SCNM1: variants seen among roughly 807,000 people sequenced by gnomAD.
SCNM1 encodes the protein sodium channel modifier 1.
Under a neutral mutation model 32.8 loss-of-function variants are expected in SCNM1, and 24 were observed. That is an observed-to-expected ratio of 0.73 (90% CI 0.53 to 1.03). The LOEUF (loss-of-function observed/expected upper bound fraction) is 1.03. Ranked by LOEUF, SCNM1 falls within the 50% of genes least tolerant of loss-of-function variation. The pLI is 0.00. For missense variants in SCNM1, 274 were observed against 282.3 expected (o/e 0.97, Z 0.21); for synonymous variants, 99 against 103.2 (o/e 0.96, Z 0.25).
chr1:151,167,436 G>A (rs1683758964), intron 5 of SCNM1, 22 bp downstream of exon 5: 5 of 1,613,994 alleles, frequency 3.1e-6, no homozygotes, highest in Middle Eastern at 3.3e-4. Context: ...GAAAGCCAGA[G>A]GTAGGAAGGC....
chr1:151,167,061 G>A, intron 3 of SCNM1, 39 bp downstream of exon 3: 1 of 1,614,096 alleles, frequency 6.2e-7, no homozygotes, highest in Non-Finnish European at 8.5e-7. Flanking sequence ...ATAAACCCTC[G>A]AAATCTCTGC....
Position 151,166,418 on chromosome 1 carries a change from C to A in SCNM1, c.52-53C>A. On this transcript the variant is annotated intron_variant, in intron 1 of 6. Transcript: ENST00000368905. Reference sequence around the variant, plus strand: ...TCATTTCTATAATTTCACTTCCACCCCTCTCTCCTATCCCGCTGATCCCGT... The same window carrying A: ...TCATTTCTATAATTTCACTTCCACCACTCTCTCCTATCCCGCTGATCCCGT... The A allele has an allele frequency of 7.4e-6, 12 of 1,610,830 alleles. 1 individual carries two copies. In the South Asian group the frequency reaches 7.7e-5, roughly 10 times the overall value.
chr1:151,166,968 C>T lies in SCNM1; in HGVS notation c.157C>T (p.Leu53=), dbSNP rs1205564375. 1 of 1,614,050 alleles carries T rather than the reference C, an allele frequency of 6.2e-7. No individual in the cohort carries two copies. ...ACAICPHRPV[L]DTLAMLTAHR... The stretch of plus-strand genomic sequence containing the variant: ...TGCCATCTGCCCCCATCGACCGGTA[C>T]TGGACACCCTGGCCATGCTGACTGC... Residue 53 remains leucine, a synonymous_variant, in exon 3 of 7, where the codon CTG becomes TTG. Coordinates refer to ENST00000368905, the MANE Select transcript of SCNM1 (RefSeq NM_024041.4).
In SCNM1 at chr1:151,170,115, C is replaced by A. The variant is rs771308640; in HGVS notation, c.*1030C>A. 1.2e-6 allele frequency: 2 copies of A among 1,614,086 alleles called. No individual in the cohort carries two copies. Among genetic ancestry groups the A allele is most frequent in the Non-Finnish European group, 1.7e-6 (2 of 1,179,976 alleles). On this transcript the variant is annotated 3_prime_UTR_variant, in exon 7 of 7. Transcript: ENST00000368905. ...CTTTTGCTGGCGACCTGTAAAGGAG[C>A]AATATTAAACATAAGTGTTTGTTCC... is the stretch of plus-strand genomic sequence containing the variant.
rs749493628 is a variant in SCNM1 at position 151,167,165 on chromosome 1, AAGC to A, written c.259_261del (p.Gln87del). 1 of 1,614,226 alleles carries A rather than the reference AAGC, an allele frequency of 6.2e-7. No individual in the cohort carries two copies. The highest frequency in any genetic ancestry group is 1.1e-5 in the South Asian group (1 of 91,088). ...CAAGAAGCAGCCGGGAAAGGAAAGA[AAGC>A]AGAATCCAAAACATCAGAATGAATT... On this transcript the variant is annotated inframe_deletion, in exon 4 of 7. Coordinates refer to ENST00000368905, the MANE Select transcript of SCNM1 (RefSeq NM_024041.4).
Position 151,167,189 on chromosome 1 carries a change from G to T in SCNM1, c.280G>T (p.Glu94Ter), listed in dbSNP as rs775812154. The change falls in exon 4 of 7, where the codon GAA (glutamate) becomes TAA (stop). Residue 94 changes from glutamate (E) to a stop codon, truncating the protein, a stop_gained. Transcript: ENST00000368905. LOFTEE classifies it high-confidence loss of function. The part of the protein sequence containing the change: ...ERKQNPKHQN[E>*]LRREETKAEA... ...AAAGCAGAATCCAAAACATCAGAAT[G>T]AATTGAGAAGGGAAGAAACCAAAGC... 5 of 1,614,196 alleles carry T rather than the reference G, an allele frequency of 3.1e-6. No homozygotes were observed. In the South Asian group the frequency reaches 5.5e-5, roughly 18 times the overall value.
intron 5 of SCNM1, 77 bp downstream of exon 5, chr1:151,167,491 T>TC: frequency 1.3e-6 from 2 of 1,563,940 alleles, no homozygotes; most frequent in Non-Finnish European, 1.8e-6. Context: ...CAGTGTGTAT[T>TC]CTGAGGAATA....
chr1:151,169,959 C>A lies in SCNM1; in HGVS notation c.*874C>A. 1 of 1,159,592 alleles carries A rather than the reference C, an allele frequency of 8.6e-7. No homozygotes were observed. 71.8% of individuals were successfully genotyped at this position (1,159,592 alleles called of 1,614,324 possible). A position where few individuals can be genotyped will look rare whatever the true frequency, so the allele number is the denominator to read the frequency against. The stretch of plus-strand genomic sequence containing the variant: ...GGGGTTAGCGCCAAGATTCTCACCC[C>A]AAAGCCCAAGGAAGGAGGCAGGCAA... On this transcript the variant is annotated 3_prime_UTR_variant, in exon 7 of 7. Coordinates refer to ENST00000368905, the MANE Select transcript of SCNM1 (RefSeq NM_024041.4).
At position 151,167,199 on chromosome 1, in the gene SCNM1, G is replaced by A. The variant is rs776850315; in HGVS notation, c.290G>A (p.Arg97Lys). Residue 97 changes from arginine (R) to lysine (K), a missense_variant, in exon 4 of 7, where the codon AGG becomes AAG. Physicochemically the swap from Arg to Lys is conservative, Grantham distance 26. Transcript: ENST00000368905. ...CCAAAACATCAGAATGAATTGAGAA[G>A]GGAAGAAACCAAAGCTGAGGTAATC... The part of the protein sequence containing the change: ...QNPKHQNELR[R>K]EETKAEAPLL... The A allele has an allele frequency of 1.2e-6, 2 of 1,614,206 alleles. No individual in the cohort carries two copies. The highest frequency in any genetic ancestry group is 4.5e-5 in the East Asian group (2 of 44,890).
chr1:151,167,972 TA>T, intron 5 of SCNM1, 171 bp from the exon 6 acceptor site: 2 of 719,154 alleles, frequency 2.8e-6, no homozygotes, highest in Non-Finnish European at 4.2e-6. Flanking sequence ...AAAAAACTTG[TA>T]AAATTTTAAG....
chr1:151,167,396 G>A lies in SCNM1; in HGVS notation c.380G>A (p.Cys127Tyr). Residue 127 changes from cysteine to tyrosine, a missense_variant, in exon 5 of 7, where the codon TGC (cysteine) becomes TAC (tyrosine). Physicochemically the swap from Cys to Tyr is radical, Grantham distance 194. Transcript: ENST00000368905. Reference sequence around the variant, plus strand: ...CACAGAGCTCCCCACTATAACAGTTGCTGCCGCCGGAAGTACAGGTATGGG... The same window carrying A: ...CACAGAGCTCCCCACTATAACAGTTACTGCCGCCGGAAGTACAGGTATGGG... The part of the protein sequence containing the change: ...ALHRAPHYNS[C>Y]CRRKYRPEAP... 1 of 1,614,172 alleles carries A rather than the reference G, an allele frequency of 6.2e-7. No individual in the cohort carries two copies. Among genetic ancestry groups the A allele is most frequent in the Non-Finnish European group, 8.5e-7 (1 of 1,180,042 alleles).
Position 151,170,065 on chromosome 1 carries a change from A to G in SCNM1, c.*980A>G. The G allele has an allele frequency of 1.2e-6, 2 of 1,614,042 alleles. No individual in the cohort carries two copies. Among genetic ancestry groups the G allele is most frequent in the African/African-American group, 2.7e-5 (2 of 75,062 alleles). On this transcript the variant is annotated 3_prime_UTR_variant, in exon 7 of 7. Transcript: ENST00000368905. ...TCCAGTGCTCCCAGCGCTAGTTGGT[A>G]AAGGGAAATGCAGTGTTATCTCTTC...
chr1:151,167,584 C>T (rs897359309), intron 5 of SCNM1, 170 bp downstream of exon 5: 1 of 824,736 alleles, frequency 1.2e-6, no homozygotes, highest in African/African-American at 1.7e-5. Context: ...GTAATCCCAG[C>T]ACTTTTGGAG....
At position 151,166,998 on chromosome 1, in the gene SCNM1, C is replaced by T. The variant is rs772434349; in HGVS notation, c.187C>T (p.Arg63Cys). The T allele has an allele frequency of 1.9e-6, 3 of 1,614,176 alleles. No homozygotes were observed. Among genetic ancestry groups the T allele is most frequent in the East Asian group, 4.5e-5 (2 of 44,890 alleles). ...LDTLAMLTAH[R>C]AGKKHLSSLQ... Reference sequence around the variant, plus strand: ...CACCCTGGCCATGCTGACTGCCCACCGTGCAGGCAAGAAACATCTGTCCAG... The same window carrying T: ...CACCCTGGCCATGCTGACTGCCCACTGTGCAGGCAAGAAACATCTGTCCAG... The change falls in exon 3 of 7, where the codon CGT becomes TGT. Residue 63 changes from arginine (R) to cysteine (C), a missense_variant. Arg to Cys is a radical substitution (Grantham distance 180). Coordinates refer to ENST00000368905, the MANE Select transcript of SCNM1 (RefSeq NM_024041.4).
At chr1:151,167,633 AC>A in intron 5 of SCNM1, 1 of 530,744 alleles carries the variant, frequency 1.9e-6, no homozygotes, top group African/African-American at 1.9e-5. Flanking sequence ...GGAGTTCAAG[AC>A]CAGCCTGGCC....
At position 151,167,433 on chromosome 1, in the gene SCNM1, A is replaced by T; in HGVS notation, c.398+19A>T. ...AGTACAGGTATGGGACGGGAAAGCC[A>T]GAGGTAGGAAGGCTCAGAAGGAGAC... is the stretch of plus-strand genomic sequence containing the variant. On this transcript the variant is annotated intron_variant, in intron 5 of 6. Coordinates refer to ENST00000368905, the MANE Select transcript of SCNM1 (RefSeq NM_024041.4). The T allele has an allele frequency of 1.2e-6, 2 of 1,614,110 alleles. No homozygotes were observed. The highest frequency in any genetic ancestry group is 8.5e-7 in the Non-Finnish European group (1 of 1,179,948).
At chr1:151,167,945 C>T (rs1683784121) in intron 5 of SCNM1, 199 bp from the exon 6 acceptor site, 1 of 532,800 alleles carries the variant, frequency 1.9e-6, no homozygotes, top group Non-Finnish European at 3.1e-6. Context: ...AAAAACTATA[C>T]AAAGTCTTAA....
In SCNM1 at chr1:151,169,946, A is replaced by G; in HGVS notation, c.*861A>G. ...GCAGTAACCCTTGGGGGTTAGCGCC[A>G]AGATTCTCACCCCAAAGCCCAAGGA... On this transcript the variant is annotated 3_prime_UTR_variant, in exon 7 of 7. Transcript: ENST00000368905. The G allele has an allele frequency of 1.0e-6, 1 of 1,003,180 alleles. No homozygotes were observed. The highest frequency in any genetic ancestry group is 1.5e-6 in the Non-Finnish European group (1 of 645,890). 62.1% of individuals were successfully genotyped at this position (1,003,180 alleles called of 1,614,324 possible).
intron 6 of SCNM1, among the ~76,000 whole-genome samples, 196 bp from the exon 7 acceptor site, chr1:151,168,790 C>CTTTT (rs147127258): frequency 2.5e-5 from 1 of 40,350 alleles, no homozygotes; most frequent in Non-Finnish European, 4.3e-5. Context: ...TCACTGCTAA[C>CTTTT]TTTTTTTTTT....
Sources: gnomAD v4.1 joint callset for allele counts (sites outside exome capture counted in the v4.1 genomes callset) on GRCh38, gnomAD v4.1.1 for gene constraint, MANE v1.5 for transcripts, NCBI Gene and HGNC (gene_info 2026-07-23, HGNC 2026-07-21) for gene names.